The following SLC9A9 variants were observed in gnomAD, a reference collection of about 807,000 sequenced individuals.
SLC9A9 encodes solute carrier family 9 member A9.
SLC9A9 carries 62 observed loss-of-function variants against 77.8 expected under a neutral mutation model. That is an observed-to-expected ratio of 0.80 (90% CI 0.65 to 0.98). The LOEUF (loss-of-function observed/expected upper bound fraction) is 0.98. Among genes scored for constraint, SLC9A9 ranks in the 50% least tolerant of loss-of-function variants. The pLI is 0.00. For missense variants in SLC9A9, 775 were observed against 774.9 expected, an observed-to-expected ratio of 1.00 and a Z score of 0.00; for synonymous variants, 320 against 283.5, an observed-to-expected ratio of 1.13 and a Z score of -1.29.
intron 6 of SLC9A9, among the ~76,000 whole-genome samples, chr3:143,649,903 G>T (rs1373121849): frequency 1.3e-5 from 2 of 151,436 alleles, no homozygotes; most frequent in East Asian, 3.8e-4. Context: ...ACACAAAAGA[G>T]ATTTTCATTT....
At chr3:143,312,644 A>T (rs1023712999) in intron 14 of SLC9A9, among the ~76,000 whole-genome samples, 49 of 152,234 alleles carry the variant, frequency 3.2e-4, no homozygotes, top group African/African-American at 1.1e-3. Flanking sequence ...TCCTTCAGGC[A>T]ACTCTCTCCT....
chr3:143,808,702 C>T (rs1415594060), intron 2 of SLC9A9, among the ~76,000 whole-genome samples: 1 of 152,142 alleles, frequency 6.6e-6, no homozygotes, highest in Non-Finnish European at 1.5e-5. Context: ...GGGTTCACAT[C>T]CTAAGCTCCT....
At chr3:143,673,639 T>C (rs528401553) in intron 5 of SLC9A9, among the ~76,000 whole-genome samples, 156 of 151,962 alleles carry the variant, frequency 1.0e-3, no homozygotes, top group African/African-American at 3.6e-3. Context: ...TAATTAATAA[T>C]ATTAATAATA....
intron 6 of SLC9A9, among the ~76,000 whole-genome samples, chr3:143,584,808 G>A (rs1276909542): frequency 6.6e-6 from 1 of 152,148 alleles, no homozygotes; most frequent in Non-Finnish European, 1.5e-5. Flanking sequence ...TTAAAACTTA[G>A]CGCAGCCCAA....
At chr3:143,622,201 A>G (rs2038229740) in intron 6 of SLC9A9, among the ~76,000 whole-genome samples, 2 of 152,242 alleles carry the variant, frequency 1.3e-5, no homozygotes, top group South Asian at 4.1e-4. Flanking sequence ...GCAGGATATT[A>G]TCCAGGAGAA....
At position 143,848,355 on chromosome 3, in the gene SLC9A9, A is replaced by G. The variant is rs901271957; in HGVS notation, c.-33T>C. On this transcript the variant is annotated 5_prime_UTR_variant, in exon 1 of 16. Transcript: ENST00000316549. ...TCTTCTTGGGATTCCTTAGATAAAAACCTGGATAAAGGCTATTTTATCAAG... is the reference window on the plus strand; with the variant it reads ...TCTTCTTGGGATTCCTTAGATAAAAGCCTGGATAAAGGCTATTTTATCAAG... 1.9e-6 allele frequency: 3 copies of G among 1,613,618 alleles called. No homozygotes were observed. The highest frequency in any genetic ancestry group is 2.5e-6 in the Non-Finnish European group (3 of 1,179,682).
At chr3:143,409,167 C>T (rs771467137) in intron 12 of SLC9A9, among the ~76,000 whole-genome samples, 2 of 152,136 alleles carry the variant, frequency 1.3e-5, no homozygotes, top group Non-Finnish European at 2.9e-5. Flanking sequence ...ATTCAGTTAC[C>T]ACCACTGGTA....
Position 143,265,846 on chromosome 3 carries a change from G to T in SLC9A9, c.*856C>A. 1.7e-6 allele frequency: 1 copy of T among 595,758 alleles called. No individual in the cohort carries two copies. The highest frequency in any genetic ancestry group is 2.0e-5 in the South Asian group (1 of 49,820). 36.9% of individuals were successfully genotyped at this position (595,758 alleles called of 1,614,324 possible). ...CCTGCACAGTCTGCTGCCAGGTAGA[G>T]AGCAACACAGGCTGCAGAATCCTAC... On this transcript the variant is annotated 3_prime_UTR_variant, in exon 16 of 16. Transcript: ENST00000316549.
At chr3:143,480,812 G>A (rs763394585) in intron 11 of SLC9A9, among the ~76,000 whole-genome samples, 10 of 152,118 alleles carry the variant, frequency 6.6e-5, no homozygotes, top group South Asian at 4.1e-4. Context: ...AGCATGGGAA[G>A]GTAAAAGAAC....
chr3:143,523,432 T>C (rs2036352417), intron 9 of SLC9A9, among the ~76,000 whole-genome samples: 1 of 152,166 alleles, frequency 6.6e-6, no homozygotes, highest in East Asian at 1.9e-4. Flanking sequence ...ATAATTAGTT[T>C]TATCAAAACT....
intron 8 of SLC9A9, among the ~76,000 whole-genome samples, chr3:143,560,356 C>A (rs1285084176): frequency 6.6e-6 from 1 of 152,162 alleles, no homozygotes; most frequent in Non-Finnish European, 1.5e-5. Flanking sequence ...GATATTTTTC[C>A]CTTATTCTTG....
chr3:143,793,961 C>A (rs2008295941), intron 4 of SLC9A9, among the ~76,000 whole-genome samples: 1 of 152,156 alleles, frequency 6.6e-6, no homozygotes, highest in Non-Finnish European at 1.5e-5. Flanking sequence ...GCTTGCAAAC[C>A]TCCCTTTTCA....
At position 143,552,515 on chromosome 3, in the gene SLC9A9, G is replaced by A. The variant is rs1237808822; in HGVS notation, c.1001-65C>T. The A allele has an allele frequency of 1.9e-5, 26 of 1,380,734 alleles. No homozygotes were observed. The Admixed American group carries it at 4.0e-4, about 21-fold the overall frequency. The allele number at this position is 1,380,734 out of a possible 1,614,324, so 85.5% of individuals were successfully genotyped here. A position where few individuals can be genotyped will look rare whatever the true frequency, so the allele number is the denominator to read the frequency against. ...TTTTCCATCCAAGTCAAAGGTTAGG[G>A]CTATTCCAGTTGGAAAATAGACTTG... On this transcript the variant is annotated intron_variant, in intron 8 of 15. Transcript: ENST00000316549.
intron 9 of SLC9A9, among the ~76,000 whole-genome samples, chr3:143,497,563 G>T (rs1249006106): frequency 3.3e-5 from 5 of 152,172 alleles, no homozygotes; most frequent in Non-Finnish European, 7.4e-5. Flanking sequence ...TGCTGGCCAG[G>T]AAGCTGCTGG....
At chr3:143,442,719 C>T (rs1455960248) in intron 12 of SLC9A9, among the ~76,000 whole-genome samples, 8 of 152,126 alleles carry the variant, frequency 5.3e-5, no homozygotes, top group Admixed American at 5.2e-4. Context: ...AGTGAAACTC[C>T]ATCTCAATAA....
chr3:143,551,854 C>T (rs2036892771), intron 9 of SLC9A9, among the ~76,000 whole-genome samples: 3 of 152,138 alleles, frequency 2.0e-5, no homozygotes, highest in African/African-American at 4.8e-5. Flanking sequence ...CAGCAAATGT[C>T]TGTGGAAAGA....
At chr3:143,352,920 G>C (rs2032497726) in intron 14 of SLC9A9, among the ~76,000 whole-genome samples, 1 of 152,168 alleles carries the variant, frequency 6.6e-6, no homozygotes, top group Non-Finnish European at 1.5e-5. Context: ...GGACTCTGTG[G>C]CTCTGTGCTT....
At chr3:143,301,104 T>C (rs1047384930) in intron 14 of SLC9A9, among the ~76,000 whole-genome samples, 1 of 152,216 alleles carries the variant, frequency 6.6e-6, no homozygotes, top group East Asian at 1.9e-4. Flanking sequence ...TATGTTTCCA[T>C]ATTTTCTCAT....
At chr3:143,771,211 C>G (rs1004181882) in intron 4 of SLC9A9, among the ~76,000 whole-genome samples, 8 of 152,128 alleles carry the variant, frequency 5.3e-5, no homozygotes, top group Admixed American at 5.2e-4. Flanking sequence ...AAGGGGGCTT[C>G]CTAATGGGCC....
Sources: gnomAD v4.1 joint callset for allele counts (sites outside exome capture counted in the v4.1 genomes callset) on GRCh38, gnomAD v4.1.1 for gene constraint, MANE v1.5 for transcripts, NCBI Gene and HGNC (gene_info 2026-07-23, HGNC 2026-07-21) for gene names.